SUSD3: variants seen among roughly 807,000 people sequenced by gnomAD.
SUSD3 encodes sushi domain-containing protein 3.
In SUSD3, 18 loss-of-function variants were observed where a neutral mutation model predicts 20.6. The observed-to-expected ratio is 0.87, with a 90% confidence interval of 0.60 to 1.30. SUSD3 has a LOEUF of 1.30. SUSD3 is among the 50% of genes most tolerant of loss of function. The pLI is 0.00. For missense variants in SUSD3, 306 were observed against 346.9 expected, an observed-to-expected ratio of 0.88 and a Z score of 0.94; for synonymous variants, 137 against 141.5, an observed-to-expected ratio of 0.97 and a Z score of 0.23.
At chr9:93,065,747 C>T (rs1825684841) in intron 1 of SUSD3, among the ~76,000 whole-genome samples, 1 of 152,240 alleles carries the variant, frequency 6.6e-6, no homozygotes, top group Non-Finnish European at 1.5e-5. Flanking sequence ...GAGTGCTGAT[C>T]ACGACTCTTG....
intron 1 of SUSD3, among the ~76,000 whole-genome samples, chr9:93,075,498 A>C (rs910883353): frequency 5.7e-5 from 8 of 140,372 alleles, no homozygotes; most frequent in African/African-American, 2.2e-4. Context: ...TCAGTGTCTC[A>C]GGGAAGGTAT....
At chr9:93,069,507 T>C (rs944107587) in intron 1 of SUSD3, among the ~76,000 whole-genome samples, 1 of 152,250 alleles carries the variant, frequency 6.6e-6, no homozygotes, top group African/African-American at 2.4e-5. Flanking sequence ...TTCAACAACG[T>C]TTTGTAGTTT....
intron 4 of SUSD3, among the ~76,000 whole-genome samples, chr9:93,082,553 G>A (rs1826460506): frequency 6.6e-6 from 1 of 152,116 alleles, no homozygotes; most frequent in South Asian, 2.1e-4. Context: ...TCCTCACCTC[G>A]TGATCTGCCC....
chr9:93,063,644 C>A (rs1211412372), intron 1 of SUSD3, among the ~76,000 whole-genome samples: 2 of 152,132 alleles, frequency 1.3e-5, no homozygotes, highest in Non-Finnish European at 2.9e-5. Context: ...GGAGGTTGGA[C>A]CTCTTGGCCA....
intron 1 of SUSD3, among the ~76,000 whole-genome samples, chr9:93,064,363 C>T (rs1172546405): frequency 6.6e-6 from 1 of 152,172 alleles, no homozygotes; most frequent in African/African-American, 2.4e-5. Context: ...CCCTTTATCC[C>T]CCACGTCTGT....
intron 1 of SUSD3, among the ~76,000 whole-genome samples, chr9:93,063,860 G>A (rs1825600431): frequency 6.6e-6 from 1 of 152,130 alleles, no homozygotes; most frequent in Admixed American, 6.5e-5. Flanking sequence ...TGCGTTTAAG[G>A]CCCCCCAGCC....
At chr9:93,067,847 C>T (rs1296844114) in intron 1 of SUSD3, among the ~76,000 whole-genome samples, 3 of 152,340 alleles carry the variant, frequency 2.0e-5, no homozygotes, top group Non-Finnish European at 2.9e-5. Context: ...ATCCAGCCAC[C>T]TCGGCCTCCC....
At chr9:93,063,846 G>C (rs1021506117) in intron 1 of SUSD3, among the ~76,000 whole-genome samples, 9 of 152,212 alleles carry the variant, frequency 5.9e-5, no homozygotes, top group African/African-American at 2.2e-4. Context: ...TCTGAGGCCA[G>C]GACTGCGTTT....
At chr9:93,076,890 G>GT (rs1377104675) in intron 2 of SUSD3, among the ~76,000 whole-genome samples, 2 of 152,258 alleles carry the variant, frequency 1.3e-5, no homozygotes, top group African/African-American at 4.8e-5. Flanking sequence ...CCAGGCAGCT[G>GT]TTATGGGGTG....
intron 4 of SUSD3, among the ~76,000 whole-genome samples, chr9:93,080,929 T>C (rs1319262131): frequency 6.6e-6 from 1 of 152,250 alleles, no homozygotes; most frequent in Non-Finnish European, 1.5e-5. Context: ...AATATTCTTT[T>C]CTGAAACTTT....
intron 4 of SUSD3, among the ~76,000 whole-genome samples, chr9:93,083,399 G>C (rs1336546917): frequency 1.3e-5 from 2 of 152,346 alleles, no homozygotes; most frequent in East Asian, 3.9e-4. Flanking sequence ...CTGTGCTGGG[G>C]CTGCCCACCC....
intron 1 of SUSD3, among the ~76,000 whole-genome samples, chr9:93,065,021 T>G (rs192420621): frequency 6.4e-4 from 97 of 152,298 alleles, no homozygotes; most frequent in African/African-American, 2.1e-3. Flanking sequence ...ATCAGCCCAG[T>G]GCCCAGACCG....
intron 1 of SUSD3, among the ~76,000 whole-genome samples, chr9:93,066,116 C>T (rs576734216): frequency 1.2e-4 from 19 of 152,326 alleles, no homozygotes; most frequent in African/African-American, 4.1e-4. Context: ...TCCTCAGGCC[C>T]TCCCCACTCT....
chr9:93,079,403 G>T (rs964735738), intron 3 of SUSD3, 68 bp from the exon 4 acceptor site: 7 of 1,568,730 alleles, frequency 4.5e-6, no homozygotes, highest in African/African-American at 4.1e-5. Flanking sequence ...CCTACATGGA[G>T]CCTGTTTCCA....
chr9:93,075,735 T>TGGGGGGGGGGGGGG, intron 1 of SUSD3, 49 bp from the exon 2 acceptor site: 1 of 247,428 alleles, frequency 4.0e-6, no homozygotes, highest in Non-Finnish European at 7.4e-6. Context: ...CTGCCCTGCG[T>TGGGGGGGGGGGGGG]GCCCACCCCC....
At chr9:93,067,388 G>A (rs557008538) in intron 1 of SUSD3, among the ~76,000 whole-genome samples, 5 of 152,260 alleles carry the variant, frequency 3.3e-5, no homozygotes, top group South Asian at 2.1e-4. Context: ...GTGAACATTC[G>A]TGTACCCATT....
At chr9:93,078,169 C>T (rs1230587778) in intron 3 of SUSD3, among the ~76,000 whole-genome samples, 176 bp downstream of exon 3, 1 of 152,240 alleles carries the variant, frequency 6.6e-6, no homozygotes, top group African/African-American at 2.4e-5. Flanking sequence ...GCCCACGCAG[C>T]AGCCAGGGGC....
At chr9:93,068,103 C>A (rs1195238473) in intron 1 of SUSD3, among the ~76,000 whole-genome samples, 1 of 152,216 alleles carries the variant, frequency 6.6e-6, no homozygotes, top group Non-Finnish European at 1.5e-5. Flanking sequence ...ATGTTCTAGA[C>A]ACATGCCTCT....
intron 1 of SUSD3, among the ~76,000 whole-genome samples, chr9:93,072,419 C>T (rs1403250390): frequency 1.3e-5 from 2 of 152,208 alleles, no homozygotes; most frequent in African/African-American, 4.8e-5. Context: ...CAGCCAAATG[C>T]CATCCTTCAC....
Sources: allele counts gnomAD v4.1 joint callset (sites outside exome capture counted in the v4.1 genomes callset), GRCh38; gene constraint gnomAD v4.1.1; transcripts MANE v1.5; gene names NCBI Gene and HGNC (gene_info 2026-07-23, HGNC 2026-07-21).